PHF20L1: variants seen among roughly 807,000 people sequenced by gnomAD.
The protein encoded by PHF20L1 is PHD finger protein 20-like protein 1.
PHF20L1 carries 44 observed loss-of-function variants against 125.5 expected under a neutral mutation model. The ratio of observed to expected loss-of-function variants is 0.35; its 90% CI spans 0.28 to 0.45. The LOEUF (loss-of-function observed/expected upper bound fraction) is 0.45, where lower values mean the gene tolerates loss of function less well. Ranked by LOEUF, PHF20L1 falls within the 20% of genes least tolerant of loss-of-function variation. The pLI is 1.00. For synonymous variants in PHF20L1, 380 were observed against 403.1 expected, an observed-to-expected ratio of 0.94 and a Z score of 0.69; for missense variants, 1,012 against 1,217.2, an observed-to-expected ratio of 0.83 and a Z score of 2.51.
rs1289989557 is a variant in PHF20L1 at position 132,847,011 on chromosome 8, C to A, written c.*1088C>A. On this transcript the variant is annotated 3_prime_UTR_variant, in exon 21 of 21. Coordinates refer to ENST00000395386, the MANE Select transcript of PHF20L1 (RefSeq NM_016018.5). Reference sequence around the variant, plus strand: ...CACTCAAAACTTTTAGCTTTGATCACAAGTGGACAAATTTCTGAAACCAAA... The same window carrying A: ...CACTCAAAACTTTTAGCTTTGATCAAAAGTGGACAAATTTCTGAAACCAAA... 6.6e-6 allele frequency: 1 copy of A among 152,430 alleles called. No individual in the cohort carries two copies. Among genetic ancestry groups the A allele is most frequent in the Non-Finnish European group, 1.5e-5 (1 of 67,976 alleles). 9.4% of individuals were successfully genotyped at this position (152,430 alleles called of 1,614,324 possible).
rs1287814669 is a variant in PHF20L1, at chr8:132,777,780, C to T, written c.-37-12C>T. 8.2e-7 allele frequency: 1 copy of T among 1,219,766 alleles called. No homozygotes were observed. The allele number at this position is 1,219,766 out of a possible 1,614,324, so 75.6% of individuals were successfully genotyped here. A position where few individuals can be genotyped will look rare whatever the true frequency, so the allele number is the denominator to read the frequency against. On this transcript the variant is annotated splice_polypyrimidine_tract_variant and intron_variant, in intron 1 of 20. Transcript: ENST00000395386. ...TTCTGCATTGGAATCTAACTTTTTT[C>T]TTTCTCTTGAGGTAGTGAAAAGAGA...
intron 6 of PHF20L1, 22 bp downstream of exon 6, chr8:132,799,194 AT>A: frequency 6.5e-7 from 1 of 1,532,222 alleles, no homozygotes; most frequent in Non-Finnish European, 8.9e-7. Flanking sequence ...TTTTTTAAAA[AT>A]TTTGTTTTGT....
At chr8:132,781,574 G>A (rs1299717553) in intron 2 of PHF20L1, among the ~76,000 whole-genome samples, 2 of 151,866 alleles carry the variant, frequency 1.3e-5, no homozygotes, top group Non-Finnish European at 2.9e-5. Context: ...GACTACAGGC[G>A]CACGCCACCA....
At chr8:132,841,266 C>G (rs914161304) in intron 18 of PHF20L1, among the ~76,000 whole-genome samples, 4 of 152,022 alleles carry the variant, frequency 2.6e-5, no homozygotes, top group Non-Finnish European at 5.9e-5. Flanking sequence ...CATAAGCTAC[C>G]TCATTTCATT....
intron 6 of PHF20L1, among the ~76,000 whole-genome samples, chr8:132,801,770 A>G (rs1197984385): frequency 7.8e-6 from 1 of 128,762 alleles, no homozygotes; most frequent in Non-Finnish European, 1.7e-5. Context: ...AATAGAACTC[A>G]ACATAAAAAT....
chr8:132,801,604 T>C (rs1311925757), intron 6 of PHF20L1, among the ~76,000 whole-genome samples: 1 of 151,768 alleles, frequency 6.6e-6, no homozygotes, highest in African/African-American at 2.4e-5. Context: ...CAGTGTTTGA[T>C]AGCAGAGTAG....
At chr8:132,796,865 A>C (rs1473276078) in intron 4 of PHF20L1, among the ~76,000 whole-genome samples, 1 of 152,130 alleles carries the variant, frequency 6.6e-6, no homozygotes, top group Non-Finnish European at 1.5e-5. Context: ...ACCCAAAACA[A>C]AGTGAAATTA....
chr8:132,791,205 T>G (rs1374365632), intron 2 of PHF20L1, among the ~76,000 whole-genome samples: 5 of 151,838 alleles, frequency 3.3e-5, no homozygotes, highest in African/African-American at 1.2e-4. Context: ...CTTCTCTCTT[T>G]CTCCTAATCT....
rs755940266 is a variant in PHF20L1, at chr8:132,842,907, A to T, written c.2748+32A>T. 3.8e-6 allele frequency: 6 copies of T among 1,560,816 alleles called. No homozygotes were observed. The South Asian group carries it at 7.3e-5, about 19-fold the overall frequency. ...CTAGTTCATTTTTCTTTGCTTGGAAACTATGAGAGAAGAACAAAGGAAAAT... is the reference window on the plus strand; with the variant it reads ...CTAGTTCATTTTTCTTTGCTTGGAATCTATGAGAGAAGAACAAAGGAAAAT... On this transcript the variant is annotated intron_variant, in intron 19 of 20. Transcript: ENST00000395386.
At chr8:132,789,647 T>C (rs1342322278) in intron 2 of PHF20L1, among the ~76,000 whole-genome samples, 1 of 152,136 alleles carries the variant, frequency 6.6e-6, no homozygotes, top group Non-Finnish European at 1.5e-5. Flanking sequence ...GGGTAAACTC[T>C]TTCCTGGGAT....
intron 2 of PHF20L1, among the ~76,000 whole-genome samples, chr8:132,793,954 A>G (rs979164818): frequency 2.6e-5 from 4 of 152,180 alleles, no homozygotes; most frequent in Non-Finnish European, 5.9e-5. Flanking sequence ...TAAACACCAC[A>G]TTCAGTGACT....
In PHF20L1 at chr8:132,805,662, G is replaced by C. The variant is rs769530451; in HGVS notation, c.847+922G>C. Among the ~76,000 whole-genome samples, 17 of 151,864 alleles carry C rather than the reference G, an allele frequency of 1.1e-4. 1 individual carries two copies. Among genetic ancestry groups the C allele is most frequent in the Non-Finnish European group, 2.2e-4 (15 of 67,886 alleles). On this transcript the variant is annotated intron_variant, in intron 8 of 20. Transcript: ENST00000395386. ...AGCTTGATTTCATGGTCAGATTTAG[G>C]AATACATGTAAACTAAACATTTTGA...
chr8:132,802,722 G>C (rs1445311763), intron 6 of PHF20L1, among the ~76,000 whole-genome samples: 1 of 151,646 alleles, frequency 6.6e-6, no homozygotes, highest in African/African-American at 2.4e-5. Flanking sequence ...TCTTTTTAAT[G>C]GCTTATTGTT....
intron 11 of PHF20L1, 113 bp downstream of exon 11, chr8:132,817,189 T>A: frequency 1.1e-6 from 1 of 896,550 alleles, no homozygotes; most frequent in Middle Eastern, 3.5e-4. Context: ...CTTCTGGAGT[T>A]ATAAGCACTT....
intron 6 of PHF20L1, among the ~76,000 whole-genome samples, chr8:132,802,183 T>C (rs1833148477): frequency 6.6e-6 from 1 of 151,502 alleles, no homozygotes; most frequent in Admixed American, 6.6e-5. Flanking sequence ...CTTTTCTTAC[T>C]GCTTAAATGT....
rs1719126852 is a variant in PHF20L1, at chr8:132,812,730, T to G, written c.930+1602T>G. The G allele has an allele frequency of 3.0e-6, 3 of 984,002 alleles. No individual in the cohort carries two copies. In the African/African-American group the frequency reaches 5.2e-5, roughly 17 times the overall value. The allele number at this position is 984,002 out of a possible 1,614,324, so 61.0% of individuals were successfully genotyped here. On this transcript the variant is annotated intron_variant, in intron 9 of 20. Coordinates refer to ENST00000395386, the MANE Select transcript of PHF20L1 (RefSeq NM_016018.5). ...TAGTTAAAAAGCCGAGTTATAAAGC[T>G]CTTAATTACATCTCAATTGGTATCA...
intron 14 of PHF20L1, among the ~76,000 whole-genome samples, chr8:132,827,507 A>G (rs990856067): frequency 6.6e-6 from 1 of 152,064 alleles, no homozygotes; most frequent in Admixed American, 6.5e-5. Context: ...CAGACACAGA[A>G]TCTTACATAC....
chr8:132,789,238 G>A (rs1430112230), intron 2 of PHF20L1, among the ~76,000 whole-genome samples: 3 of 152,168 alleles, frequency 2.0e-5, no homozygotes, highest in African/African-American at 7.2e-5. Flanking sequence ...TGTTAGTCCA[G>A]AATCTGTAGA....
chr8:132,804,820 A>G (rs1833495485), intron 8 of PHF20L1, 80 bp downstream of exon 8: 2 of 1,281,136 alleles, frequency 1.6e-6, no homozygotes, highest in Admixed American at 2.2e-5. Context: ...ATGAAGTAAA[A>G]TGGTTTTGAT....
Sources: gnomAD v4.1 joint callset for allele counts (sites outside exome capture counted in the v4.1 genomes callset) on GRCh38, gnomAD v4.1.1 for gene constraint, MANE v1.5 for transcripts, NCBI Gene and HGNC (gene_info 2026-07-23, HGNC 2026-07-21) for gene names.